Variants in SGIP1 observed in about 807,000 individuals in gnomAD.
The protein encoded by SGIP1 is SH3-containing GRB2-like protein 3-interacting protein 1.
SGIP1 carries 38 observed loss-of-function variants against 107.5 expected under a neutral mutation model. That is an observed-to-expected ratio of 0.35 (90% CI 0.27 to 0.46). SGIP1 has a LOEUF of 0.46. SGIP1 is among the 20% of genes least tolerant of loss of function. The pLI is 1.00. For missense variants in SGIP1, 929 were observed against 1,019.5 expected, an observed-to-expected ratio of 0.91 and a Z score of 1.21; for synonymous variants, 365 against 366.1, an observed-to-expected ratio of 1.00 and a Z score of 0.03.
At chr1:66,717,329 GAAC>G (rs988038841) in intron 18 of SGIP1, among the ~76,000 whole-genome samples, 3 of 152,090 alleles carry the variant, frequency 2.0e-5, no homozygotes, top group African/African-American at 4.8e-5. Flanking sequence ...GAAATAAACT[GAAC>G]AACACCATTA....
At chr1:66,581,221 G>A (rs1051126769) in intron 1 of SGIP1, among the ~76,000 whole-genome samples, 1 of 152,012 alleles carries the variant, frequency 6.6e-6, no homozygotes, top group Non-Finnish European at 1.5e-5. Context: ...AGGCAGCATA[G>A]TACAGTGGTT....
At chr1:66,703,889 T>A (rs562111895) in intron 18 of SGIP1, among the ~76,000 whole-genome samples, 1 of 152,086 alleles carries the variant, frequency 6.6e-6, no homozygotes, top group South Asian at 2.1e-4. Context: ...TGTGTGTGTG[T>A]GTGTGTGTAT....
chr1:66,630,801 C>CGGAAAGAA (rs2074109749), intron 2 of SGIP1, among the ~76,000 whole-genome samples: 1 of 57,944 alleles, frequency 1.7e-5, no homozygotes, highest in Non-Finnish European at 3.1e-5. Context: ...AGCAAAACTC[C>CGGAAAGAA]GGAAAGAAAG....
intron 1 of SGIP1, among the ~76,000 whole-genome samples, chr1:66,600,964 G>T (rs572442547): frequency 1.3e-5 from 2 of 152,238 alleles, no homozygotes; most frequent in South Asian, 4.1e-4. Context: ...TTGAAAATTT[G>T]TGGTGCTTTA....
chr1:66,595,200 T>G (rs2064394739), intron 1 of SGIP1, among the ~76,000 whole-genome samples: 1 of 152,224 alleles, frequency 6.6e-6, no homozygotes, highest in Non-Finnish European at 1.5e-5. Context: ...GACCTTTCTT[T>G]AGCTCTGTTA....
At chr1:66,729,804 T>C (rs2093925112) in intron 20 of SGIP1, among the ~76,000 whole-genome samples, 1 of 152,138 alleles carries the variant, frequency 6.6e-6, no homozygotes, top group Non-Finnish European at 1.5e-5. Context: ...CATCTTTTTA[T>C]TTTTATTTTA....
intron 18 of SGIP1, among the ~76,000 whole-genome samples, chr1:66,701,370 C>A (rs1053831789): frequency 1.3e-5 from 2 of 152,146 alleles, no homozygotes; most frequent in Admixed American, 1.3e-4. Context: ...ACCCACTCTG[C>A]AAATCACAGC....
intron 7 of SGIP1, among the ~76,000 whole-genome samples, chr1:66,646,741 C>T (rs145835666): frequency 1.3e-5 from 2 of 152,218 alleles, no homozygotes; most frequent in South Asian, 2.1e-4. Context: ...AGAAGCAAGA[C>T]AAATCAAGAT....
chr1:66,739,520 G>T lies in SGIP1; in HGVS notation c.2217G>T (p.Val739=), dbSNP rs938986229. ...GAGGAGTCACCAAGCTCCAGGCAGT[G>T]CTCCCACCAGCAGTCTGGTATGAAG... ...IDGGVTKLQA[V]LPPAVWNAEQ... Residue 739 remains valine (V), a synonymous_variant, in exon 22 of 25, where the codon GTG becomes GTT. Transcript: ENST00000371037. 4 of 1,613,762 alleles carry T rather than the reference G, an allele frequency of 2.5e-6. No homozygotes were observed. The African/African-American group carries it at 4.0e-5, about 16-fold the overall frequency.
intron 17 of SGIP1, chr1:66,694,359 T>C (rs2090451655): frequency 1.6e-6 from 2 of 1,230,262 alleles, no homozygotes; most frequent in Non-Finnish European, 2.3e-6. Flanking sequence ...TTTCAATCAG[T>C]AAAGTGGGCT....
intron 1 of SGIP1, among the ~76,000 whole-genome samples, chr1:66,576,176 G>C (rs1186641757): frequency 6.6e-6 from 1 of 152,162 alleles, no homozygotes; most frequent in African/African-American, 2.4e-5. Context: ...CAAAGAAGGA[G>C]GTACTGTGTT....
intron 19 of SGIP1, among the ~76,000 whole-genome samples, chr1:66,720,418 C>T (rs1252154107): frequency 1.3e-5 from 2 of 152,062 alleles, no homozygotes; most frequent in Non-Finnish European, 2.9e-5. Context: ...CTTTGAAAAA[C>T]TTAATATTTA....
intron 3 of SGIP1, 21 bp from the exon 4 acceptor site, chr1:66,635,923 C>T: frequency 6.2e-7 from 1 of 1,612,490 alleles, no homozygotes; most frequent in Non-Finnish European, 8.5e-7. Flanking sequence ...CTTTTTTCTA[C>T]ATGAAAACAA....
At chr1:66,607,626 G>T (rs2067113953) in intron 1 of SGIP1, among the ~76,000 whole-genome samples, 3 of 152,170 alleles carry the variant, frequency 2.0e-5, no homozygotes, top group Admixed American at 2.0e-4. Flanking sequence ...TGTGACAGGG[G>T]ATTCTCCGAA....
chr1:66,733,005 T>TC (rs2094086086), intron 20 of SGIP1, among the ~76,000 whole-genome samples: 1 of 152,204 alleles, frequency 6.6e-6, no homozygotes, highest in Non-Finnish European at 1.5e-5. Flanking sequence ...ATTCTTTTTA[T>TC]CATTGAGATG....
rs372277883 is a variant in SGIP1 at position 66,729,261 on chromosome 1, C to T, written c.1743-3C>T. The T allele has an allele frequency of 1.2e-5, 19 of 1,613,654 alleles. No individual in the cohort carries two copies. Among genetic ancestry groups the T allele is most frequent in the Non-Finnish European group, 1.5e-5 (18 of 1,179,858 alleles). Reference sequence around the variant, plus strand: ...CTTTCCTCTCTGTGTTTTGATATGCCAGATGTATCGTTAAGATTACCGGAG... The same window carrying T: ...CTTTCCTCTCTGTGTTTTGATATGCTAGATGTATCGTTAAGATTACCGGAG... On this transcript the variant is annotated splice_region_variant and splice_polypyrimidine_tract_variant and intron_variant, in intron 19 of 24. Coordinates refer to ENST00000371037, the MANE Select transcript of SGIP1 (RefSeq NM_032291.4).
intron 8 of SGIP1, among the ~76,000 whole-genome samples, chr1:66,663,584 G>A (rs1201193863): frequency 6.6e-6 from 1 of 152,098 alleles, no homozygotes; most frequent in Non-Finnish European, 1.5e-5. Flanking sequence ...GAAGCTTTCA[G>A]ATAGCTCTTA....
chr1:66,730,301 A>T (rs1325500169), intron 20 of SGIP1, among the ~76,000 whole-genome samples: 1 of 151,274 alleles, frequency 6.6e-6, no homozygotes, highest in African/African-American at 2.4e-5. Flanking sequence ...CTAACTATTA[A>T]ACCTGAATTT....
chr1:66,583,238 C>A lies in SGIP1; in HGVS notation c.11-42609C>A, dbSNP rs931847402. Among the ~76,000 whole-genome samples, 5 of 152,160 alleles carry A rather than the reference C, an allele frequency of 3.3e-5. No homozygotes were observed. The South Asian group carries it at 6.2e-4, about 19-fold the overall frequency. Reference sequence around the variant, plus strand: ...AGATGGAATTGTGCAAGAGATGAGCCATTAGCGCTTTTCCTAGTAGTAGGA... The same window carrying A: ...AGATGGAATTGTGCAAGAGATGAGCAATTAGCGCTTTTCCTAGTAGTAGGA... On this transcript the variant is annotated intron_variant, in intron 1 of 24. Coordinates refer to ENST00000371037, the MANE Select transcript of SGIP1 (RefSeq NM_032291.4).
Sources: gnomAD v4.1 joint callset for allele counts (sites outside exome capture counted in the v4.1 genomes callset) on GRCh38, gnomAD v4.1.1 for gene constraint, MANE v1.5 for transcripts, NCBI Gene and HGNC (gene_info 2026-07-23, HGNC 2026-07-21) for gene names.